The following SRPK2 variants were observed in gnomAD, a reference collection of about 807,000 sequenced individuals.
The protein encoded by SRPK2 is SFRS protein kinase 2.
Under a neutral mutation model 90.8 loss-of-function variants are expected in SRPK2, and 21 were observed. The observed-to-expected ratio is 0.23, with a 90% CI of 0.16 to 0.33. The LOEUF is 0.33. Among genes scored for constraint, SRPK2 ranks in the 10% least tolerant of loss-of-function variants. The pLI, the probability that SRPK2 is intolerant of heterozygous loss-of-function variation, is 1.00. For synonymous variants in SRPK2, 288 were observed against 311.1 expected (o/e 0.93, Z 0.78); for missense variants, 620 against 869.0 (o/e 0.71, Z 3.60).
In SRPK2 at chr7:105,284,014, C is replaced by CA. The variant is rs1178414692; in HGVS notation, c.72-80230dup. Reference sequence around the variant, plus strand: ...CCCTGTCTCAAAACAAACAAACAAACAAAAAATGATTACAATGCTGACAAG... The same window carrying CA: ...CCCTGTCTCAAAACAAACAAACAAACAAAAAAATGATTACAATGCTGACAAG... On this transcript the variant is annotated intron_variant, in intron 2 of 15. Coordinates refer to ENST00000393651, the MANE Select transcript of SRPK2 (RefSeq NM_182692.3). 1.7e-4 allele frequency among the ~76,000 whole-genome samples: 26 copies of CA among 152,060 alleles called. No individual in the cohort carries two copies. The South Asian group carries it at 5.2e-3, about 30-fold the overall frequency.
chr7:105,283,673 T>C (rs1288932497), intron 2 of SRPK2, among the ~76,000 whole-genome samples: 3 of 152,202 alleles, frequency 2.0e-5, no homozygotes, highest in Non-Finnish European at 2.9e-5. Context: ...GAAAATGTTC[T>C]AGAATTATGT....
intron 2 of SRPK2, among the ~76,000 whole-genome samples, chr7:105,290,052 A>C (rs1340881937): frequency 3.9e-5 from 6 of 152,142 alleles, no homozygotes; most frequent in Non-Finnish European, 8.8e-5. Context: ...ACTGTCTTAT[A>C]TGAGCACAGT....
In SRPK2 at chr7:105,218,743, T is replaced by C. The variant is rs963179347; in HGVS notation, c.72-14958A>G. ...TATAAATAATCATACCACAATGTAT[T>C]TAGAGTTCCAACTCAGAAAAGCATG... On this transcript the variant is annotated intron_variant, in intron 2 of 15. Coordinates refer to ENST00000393651, the MANE Select transcript of SRPK2 (RefSeq NM_182692.3). Among the ~76,000 whole-genome samples, 3 of 152,160 alleles carry C rather than the reference T, an allele frequency of 2.0e-5. No homozygotes were observed. The East Asian group carries it at 5.8e-4, about 29-fold the overall frequency.
In SRPK2 at chr7:105,125,891, T is replaced by C. The variant is rs780018623; in HGVS notation, c.1915+357A>G. 1.6e-5 allele frequency: 20 copies of C among 1,268,158 alleles called. No individual in the cohort carries two copies. In the South Asian group the frequency reaches 2.6e-4, roughly 16 times the overall value. 78.6% of individuals were successfully genotyped at this position (1,268,158 alleles called of 1,614,324 possible). A position where few individuals can be genotyped will look rare whatever the true frequency, so the allele number is the denominator to read the frequency against. On this transcript the variant is annotated intron_variant, in intron 15 of 15. Transcript: ENST00000393651. ...CTATGTGATCTGCATTGGGAAACAT[T>C]GCCAGCAAAACAGAAACACACGACA...
intron 2 of SRPK2, among the ~76,000 whole-genome samples, chr7:105,210,315 G>C (rs1796697838): frequency 6.6e-6 from 1 of 152,106 alleles, no homozygotes; most frequent in South Asian, 2.1e-4. Context: ...TTCACATAAA[G>C]TCAAATTTCA....
chr7:105,137,169 G>C (rs1235723816), intron 11 of SRPK2, among the ~76,000 whole-genome samples: 1 of 152,224 alleles, frequency 6.6e-6, no homozygotes, highest in Non-Finnish European at 1.5e-5. Context: ...TCCTAAGGCA[G>C]AAACAGGCTT....
At chr7:105,119,312 T>C (rs1327198443) in intron 15 of SRPK2, among the ~76,000 whole-genome samples, 1 of 152,084 alleles carries the variant, frequency 6.6e-6, no homozygotes, top group African/African-American at 2.4e-5. Context: ...TCGAGTCAAC[T>C]TGGAAAAGCC....
chr7:105,118,465 T>A (rs79902071), intron 15 of SRPK2, among the ~76,000 whole-genome samples: 1 of 152,206 alleles, frequency 6.6e-6, no homozygotes, highest in East Asian at 1.9e-4. Flanking sequence ...TTTGTAAACC[T>A]TGAAGTTATA....
At chr7:105,140,316 T>G (rs897055482) in intron 11 of SRPK2, among the ~76,000 whole-genome samples, 3 of 152,164 alleles carry the variant, frequency 2.0e-5, no homozygotes, top group African/African-American at 7.2e-5. Context: ...AAAAGGTACT[T>G]TGAGCTGGTC....
At chr7:105,164,288 T>G (rs938505890) in intron 6 of SRPK2, among the ~76,000 whole-genome samples, 1 of 152,230 alleles carries the variant, frequency 6.6e-6, no homozygotes, top group Non-Finnish European at 1.5e-5. Context: ...AGTCAGTGAA[T>G]GCTTTAGCAG....
chr7:105,342,668 G>A (rs1159402122), intron 2 of SRPK2, among the ~76,000 whole-genome samples: 3 of 151,966 alleles, frequency 2.0e-5, no homozygotes, highest in Non-Finnish European at 4.4e-5. Flanking sequence ...CCTTGTTCTC[G>A]CTCTCCTCCA....
At chr7:105,124,913 C>T (rs1180599607) in intron 15 of SRPK2, among the ~76,000 whole-genome samples, 15 of 151,858 alleles carry the variant, frequency 9.9e-5, no homozygotes, top group Admixed American at 9.8e-4. Context: ...GGGTGGATCA[C>T]TTGAGGTCAG....
chr7:105,384,392 T>G (rs1821296360), intron 2 of SRPK2, among the ~76,000 whole-genome samples: 1 of 152,178 alleles, frequency 6.6e-6, no homozygotes, highest in African/African-American at 2.4e-5. Context: ...ACAACTACAA[T>G]TTCCAGTGTA....
At chr7:105,315,613 T>C (rs1812221467) in intron 2 of SRPK2, among the ~76,000 whole-genome samples, 1 of 152,210 alleles carries the variant, frequency 6.6e-6, no homozygotes, top group African/African-American at 2.4e-5. Context: ...ATGCTTCAAA[T>C]ATTGGACTCT....
intron 11 of SRPK2, among the ~76,000 whole-genome samples, chr7:105,138,388 G>C (rs528505661): frequency 6.6e-6 from 1 of 152,190 alleles, no homozygotes; most frequent in Non-Finnish European, 1.5e-5. Context: ...GCCTGCTGGG[G>C]ATACAGGAAG....
At chr7:105,290,445 C>T (rs1030319630) in intron 2 of SRPK2, among the ~76,000 whole-genome samples, 5 of 152,000 alleles carry the variant, frequency 3.3e-5, no homozygotes, top group Admixed American at 6.6e-5. Context: ...TCACAGTGAG[C>T]GGAGACTGCG....
chr7:105,117,871 G>A lies in SRPK2; in HGVS notation c.2067C>T (p.Gly689=). The part of the protein sequence containing the change: ...EMVPEKRASA[G]ECLRHPWLNS ...TCAACCAAGGATGCCGAAGGCATTC[G>A]CCAGCTGAGGCTCGTTTTTCTGGAA... The change falls in exon 16 of 16, where the codon GGC becomes GGT. Residue 689 remains glycine (G), a synonymous_variant. Transcript: ENST00000393651. 2.5e-6 allele frequency: 4 copies of A among 1,613,198 alleles called. No homozygotes were observed. Among genetic ancestry groups the A allele is most frequent in the Non-Finnish European group, 3.4e-6 (4 of 1,180,024 alleles).
intron 2 of SRPK2, among the ~76,000 whole-genome samples, chr7:105,263,835 GT>G (rs1348885241): frequency 6.6e-6 from 1 of 152,046 alleles, no homozygotes; most frequent in African/African-American, 2.4e-5. Context: ...TTCCATATAC[GT>G]ATCTTCAATG....
chr7:105,265,062 AT>A (rs1383313579), intron 2 of SRPK2, among the ~76,000 whole-genome samples: 1 of 152,170 alleles, frequency 6.6e-6, no homozygotes, highest in Non-Finnish European at 1.5e-5. Context: ...TTCTGGGATG[AT>A]TTATTAAACA....
Sources: allele counts gnomAD v4.1 joint callset (sites outside exome capture counted in the v4.1 genomes callset), GRCh38; gene constraint gnomAD v4.1.1; transcripts MANE v1.5; gene names NCBI Gene and HGNC (gene_info 2026-07-23, HGNC 2026-07-21).